The following JPH1 variants were observed in gnomAD, a reference collection of about 807,000 sequenced individuals.
JPH1 encodes junctophilin 1.
JPH1 carries 12 observed loss-of-function variants against 53.6 expected under a neutral mutation model. The observed-to-expected ratio is 0.22, with a 90% CI of 0.14 to 0.36. The LOEUF (loss-of-function observed/expected upper bound fraction) is 0.36. Ranked by LOEUF, JPH1 falls within the 10% of genes least tolerant of loss-of-function variation. The pLI is 1.00. For missense variants in JPH1, 808 were observed against 905.5 expected (o/e 0.89, Z 1.38); for synonymous variants, 375 against 363.8 (o/e 1.03, Z -0.35).
At chr8:74,291,298 A>C (rs1807318971) in intron 2 of JPH1, among the ~76,000 whole-genome samples, 1 of 152,214 alleles carries the variant, frequency 6.6e-6, no homozygotes, top group Non-Finnish European at 1.5e-5. Flanking sequence ...AAAATCAAAC[A>C]ACCTTATCAA....
At chr8:74,250,176 C>T (rs550505217) in intron 3 of JPH1, among the ~76,000 whole-genome samples, 2 of 151,574 alleles carry the variant, frequency 1.3e-5, no homozygotes, top group South Asian at 4.2e-4. Context: ...GCTCTGTCAC[C>T]CAGGCTGGAG....
intron 2 of JPH1, among the ~76,000 whole-genome samples, chr8:74,303,729 G>A (rs192926909): frequency 6.6e-5 from 10 of 152,160 alleles, no homozygotes; most frequent in African/African-American, 2.4e-4. Context: ...GATTAAAGAC[G>A]TGAGCCACTG....
At chr8:74,239,765 A>G (rs1407654216) in intron 4 of JPH1, among the ~76,000 whole-genome samples, 5 of 152,192 alleles carry the variant, frequency 3.3e-5, no homozygotes, top group Admixed American at 6.5e-5. Context: ...AAATGCTGCA[A>G]TGAGAATTTC....
At chr8:74,238,812 C>A (rs1244968154) in intron 4 of JPH1, among the ~76,000 whole-genome samples, 2 of 152,152 alleles carry the variant, frequency 1.3e-5, no homozygotes, top group Non-Finnish European at 2.9e-5. Context: ...TGCGTGCTAT[C>A]AAACCTGGTT....
intron 2 of JPH1, among the ~76,000 whole-genome samples, chr8:74,272,642 C>T (rs368098653): frequency 1.1e-4 from 15 of 137,848 alleles, no homozygotes; most frequent in African/African-American, 3.3e-4. Flanking sequence ...TTCGCTCTGT[C>T]GCCCAGGCTG....
chr8:74,320,641 C>G lies in JPH1; in HGVS notation c.379+268G>C, dbSNP rs1179055651. ...CCCGGTGGCAGCGCAGCGCTGGCGCCGGCCAGGTACATTCACGCCTAGCTC... is the reference window on the plus strand; with the variant it reads ...CCCGGTGGCAGCGCAGCGCTGGCGCGGGCCAGGTACATTCACGCCTAGCTC... On this transcript the variant is annotated intron_variant, in intron 1 of 5. Coordinates refer to ENST00000342232, the MANE Select transcript of JPH1 (RefSeq NM_020647.4). The surrounding 1 kb of genome is among the most constrained non-coding windows in gnomAD (Gnocchi z 4.4). Among the ~76,000 whole-genome samples, 2 of 151,866 alleles carry G rather than the reference C, an allele frequency of 1.3e-5. No homozygotes were observed. Among genetic ancestry groups the G allele is most frequent in the African/African-American group, 2.4e-5 (1 of 41,162 alleles).
At position 74,320,771 on chromosome 8, in the gene JPH1, G is replaced by T. The variant is rs918353186; in HGVS notation, c.379+138C>A. The T allele has an allele frequency of 2.0e-5, 21 of 1,057,662 alleles. No individual in the cohort carries two copies. In the East Asian group the frequency reaches 5.8e-4, roughly 29 times the overall value. 65.5% of individuals were successfully genotyped at this position (1,057,662 alleles called of 1,614,324 possible). ...CTCTGGGAAAGGCGGGCGCGGGCGC[G>T]GGGGTGGGAGGCGCCCCCAGGTGTT... On this transcript the variant is annotated intron_variant, in intron 1 of 5. Coordinates refer to ENST00000342232, the MANE Select transcript of JPH1 (RefSeq NM_020647.4). This position sits in a 1 kb window ranked among gnomAD's most constrained non-coding sequence, Gnocchi z 4.4.
intron 3 of JPH1, among the ~76,000 whole-genome samples, chr8:74,253,333 T>C (rs1339285226): frequency 2.6e-5 from 4 of 152,038 alleles, no homozygotes; most frequent in Admixed American, 2.6e-4. Flanking sequence ...AAAGATGTTC[T>C]TTGAAACCAG....
At chr8:74,282,374 G>A (rs546631574) in intron 2 of JPH1, among the ~76,000 whole-genome samples, 2 of 152,228 alleles carry the variant, frequency 1.3e-5, no homozygotes, top group Non-Finnish European at 2.9e-5. Context: ...CACTTGGAGC[G>A]ATCTGCCCAA....
chr8:74,288,132 T>C lies in JPH1; in HGVS notation c.1139+26729A>G, dbSNP rs375795572. ...ACTCAGTACAATATTGTCTAATAAG[T>C]ATTACACCAAAACAGAGGTCTGTAC... is the stretch of plus-strand genomic sequence containing the variant. On this transcript the variant is annotated intron_variant, in intron 2 of 5. Coordinates refer to ENST00000342232, the MANE Select transcript of JPH1 (RefSeq NM_020647.4). Among the ~76,000 whole-genome samples the C allele has an allele frequency of 9.9e-5, 15 of 152,250 alleles. No individual in the cohort carries two copies. In the East Asian group the frequency reaches 2.9e-3, roughly 29 times the overall value.
At chr8:74,240,348 T>A (rs1418568484) in intron 4 of JPH1, among the ~76,000 whole-genome samples, 1 of 152,050 alleles carries the variant, frequency 6.6e-6, no homozygotes, top group African/African-American at 2.4e-5. Context: ...AAATACTAGA[T>A]CTTATTTGTT....
chr8:74,268,874 G>A (rs1806616120), intron 2 of JPH1, among the ~76,000 whole-genome samples: 1 of 152,128 alleles, frequency 6.6e-6, no homozygotes, highest in African/African-American at 2.4e-5. Flanking sequence ...CCAAGTGATA[G>A]GATCATAAAC....
intron 2 of JPH1, among the ~76,000 whole-genome samples, chr8:74,290,509 T>G (rs1167497578): frequency 1.3e-5 from 2 of 152,216 alleles, no homozygotes; most frequent in Admixed American, 1.3e-4. Context: ...GAACATTCCA[T>G]GCTCACCGAT....
intron 5 of JPH1, 83 bp from the exon 6 acceptor site, chr8:74,237,118 T>C (rs906960948): frequency 6.8e-5 from 54 of 799,926 alleles, no homozygotes; most frequent in Non-Finnish European, 1.0e-4. Context: ...TGAAGGACAA[T>C]ACGTCATTGT....
At chr8:74,266,613 G>C (rs1361830116) in intron 2 of JPH1, among the ~76,000 whole-genome samples, 1 of 152,170 alleles carries the variant, frequency 6.6e-6, no homozygotes, top group African/African-American at 2.4e-5. Flanking sequence ...TCTGAAGATT[G>C]GTTGCACAGC....
At chr8:74,240,008 G>A (rs1384982819) in intron 4 of JPH1, among the ~76,000 whole-genome samples, 1 of 152,112 alleles carries the variant, frequency 6.6e-6, no homozygotes, top group East Asian at 1.9e-4. Context: ...GTCTTGCTCT[G>A]TCACCCAGGC....
intron 1 of JPH1, among the ~76,000 whole-genome samples, chr8:74,317,305 G>A (rs1234837251): frequency 6.6e-6 from 1 of 152,192 alleles, no homozygotes; most frequent in Non-Finnish European, 1.5e-5. Flanking sequence ...AAGTGGGTCT[G>A]GTACTGTAAA....
chr8:74,273,795 A>G (rs185356056), intron 2 of JPH1, among the ~76,000 whole-genome samples: 560 of 152,268 alleles, frequency 3.7e-3, no homozygotes, highest in African/African-American at 0.013. Flanking sequence ...TTTTTGAAAT[A>G]CCCTTCTAAG....
At chr8:74,294,920 A>G (rs1807461991) in intron 2 of JPH1, among the ~76,000 whole-genome samples, 1 of 152,246 alleles carries the variant, frequency 6.6e-6, no homozygotes, top group Admixed American at 6.5e-5. Flanking sequence ...TGGAACAGTT[A>G]GGCCATCTGC....
Sources: allele counts gnomAD v4.1 joint callset (sites outside exome capture counted in the v4.1 genomes callset), GRCh38; gene constraint gnomAD v4.1.1; non-coding constraint Gnocchi (gnomAD v3.1); transcripts MANE v1.5; gene names NCBI Gene and HGNC (gene_info 2026-07-23, HGNC 2026-07-21).